Variants in RANBP2 observed in about 807,000 individuals in gnomAD.
RANBP2 encodes the protein RAN binding protein 2.
A neutral mutation model predicts 303.6 loss-of-function variants in RANBP2; 57 were observed. The observed-to-expected ratio is 0.19, with a 90% CI of 0.15 to 0.23. The LOEUF (loss-of-function observed/expected upper bound fraction) is 0.23, where lower values mean the gene tolerates loss of function less well. Among genes scored for constraint, RANBP2 ranks in the 10% least tolerant of loss-of-function variants. RANBP2 has a pLI of 1.00. For missense variants in RANBP2, 3,138 were observed against 3,780.8 expected, an observed-to-expected ratio of 0.83 and a Z score of 4.46; for synonymous variants, 1,167 against 1,301.5, an observed-to-expected ratio of 0.90 and a Z score of 2.23.
In RANBP2 at chr2:108,749,005, T is replaced by C. The variant is rs767259689; in HGVS notation, c.1149T>C (p.Ser383=). ...CTTTTGCCAACAAAAGCGGGCAGTC[T>C]GCATTATATGATGCTCTGTTTTCTA... ...VETFANKSGQ[S]ALYDALFSSQ... The change falls in exon 9 of 29, where the codon TCT becomes TCC. Residue 383 remains serine, a synonymous_variant. Transcript: ENST00000283195. The C allele has an allele frequency of 1.6e-5, 25 of 1,611,900 alleles. No individual in the cohort carries two copies. Among genetic ancestry groups the C allele is most frequent in the South Asian group, 3.3e-5 (3 of 90,996 alleles).
the RANBP2 span, chr2:109,614,423 C>T: frequency 1.8e-6 from 2 of 1,123,220 alleles, no homozygotes; most frequent in African/African-American, 1.6e-5. Flanking sequence ...GGGAGCCGGC[C>T]GCTGGGAGCC....
chr2:109,476,816 A>G, the RANBP2 span, among the ~76,000 whole-genome samples: 1 of 152,310 alleles, frequency 6.6e-6, no homozygotes, highest in Middle Eastern at 3.4e-3. Context: ...GATAAGCTAA[A>G]CAAGGGGTGG....
At chr2:109,493,324 A>G in the RANBP2 span, among the ~76,000 whole-genome samples, 7 of 147,236 alleles carry the variant, frequency 4.8e-5, no homozygotes, top group East Asian at 2.1e-4. Flanking sequence ...TACGTACACC[A>G]TACAAACACA....
chr2:109,128,878 C>A, the RANBP2 span: 1 of 309,248 alleles, frequency 3.2e-6, no homozygotes. Flanking sequence ...TCCTAGGGGA[C>A]CAGGCTAATC....
chr2:109,516,049 A>G, the RANBP2 span, among the ~76,000 whole-genome samples: 1 of 152,124 alleles, frequency 6.6e-6, no homozygotes, highest in African/African-American at 2.4e-5. Context: ...AATGCTTAGC[A>G]CTCAGCTCCA....
chr2:109,410,560 A>G, the RANBP2 span, among the ~76,000 whole-genome samples: 1 of 152,182 alleles, frequency 6.6e-6, no homozygotes, highest in Non-Finnish European at 1.5e-5. Flanking sequence ...GCTCATGTGA[A>G]ATGCTCACAG....
Position 108,784,112 on chromosome 2 carries a change from G to A in RANBP2, c.*211G>A. 1 of 543,964 alleles carries A rather than the reference G, an allele frequency of 1.8e-6. No individual in the cohort carries two copies. The highest frequency in any genetic ancestry group is 3.3e-6 in the Non-Finnish European group (1 of 306,424). 33.7% of individuals were successfully genotyped at this position (543,964 alleles called of 1,614,324 possible). On this transcript the variant is annotated 3_prime_UTR_variant, in exon 29 of 29. Transcript: ENST00000283195. ...AAGTTTAAACACTGGTGTATTTCAG[G>A]TGTACTTGTGTTTATGTACTCCTGA... is the stretch of plus-strand genomic sequence containing the variant.
the RANBP2 span, among the ~76,000 whole-genome samples, chr2:109,314,579 A>G: frequency 7.2e-5 from 11 of 152,186 alleles, no homozygotes; most frequent in Non-Finnish European, 1.2e-4. Context: ...CCACTTCATA[A>G]ATAGTGTCTC....
chr2:108,783,498 ATGTAG>A (rs1338567399), intron 28 of RANBP2, 93 bp from the exon 29 acceptor site: 4 of 824,660 alleles, frequency 4.9e-6, no homozygotes, highest in Non-Finnish European at 7.6e-6. Flanking sequence ...AGGATTTAAC[ATGTAG>A]TGATGAGTTC....
the RANBP2 span, among the ~76,000 whole-genome samples, chr2:109,498,343 C>T: frequency 6.6e-6 from 1 of 152,170 alleles, no homozygotes; most frequent in Non-Finnish European, 1.5e-5. Context: ...CCAAGTCAGC[C>T]TCAGGAGCCC....
chr2:108,843,140 T>G, the RANBP2 span, among the ~76,000 whole-genome samples: 3 of 152,062 alleles, frequency 2.0e-5, no homozygotes, highest in African/African-American at 7.3e-5. Context: ...GACTTCTTTA[T>G]CTGTTCTTTA....
At chr2:108,776,558 G>A (rs1677907782) in intron 24 of RANBP2, among the ~76,000 whole-genome samples, 3 of 152,096 alleles carry the variant, frequency 2.0e-5, no homozygotes, top group Admixed American at 6.5e-5. Context: ...GCATTTGAGA[G>A]TCTTAATGTG....
the RANBP2 span, among the ~76,000 whole-genome samples, chr2:109,205,628 C>T: frequency 2.6e-5 from 4 of 152,088 alleles, no homozygotes; most frequent in African/African-American, 7.2e-5. Flanking sequence ...GGGAGAAGGC[C>T]ACGGTGAGAA....
the RANBP2 span, among the ~76,000 whole-genome samples, chr2:108,968,053 A>G: frequency 6.6e-6 from 1 of 152,178 alleles, no homozygotes; most frequent in African/African-American, 2.4e-5. Context: ...CACTGTCCCA[A>G]GAATGCCTCA....
chr2:108,782,432 A>AT lies in RANBP2; in HGVS notation c.9034+37dup, dbSNP rs534537328. 357 of 1,613,848 alleles carry AT rather than the reference A, an allele frequency of 2.2e-4. 3 individuals are homozygous for AT. In the African/African-American group the frequency reaches 3.6e-3, roughly 16 times the overall value. ...TTTTTACATTCAAATGCTACTTTTC[A>AT]TTTTTTGGACTTTTCTAAAATCTAT... On this transcript the variant is annotated intron_variant, in intron 27 of 28. Transcript: ENST00000283195.
At chr2:109,438,382 G>A in the RANBP2 span, among the ~76,000 whole-genome samples, 1 of 152,188 alleles carries the variant, frequency 6.6e-6, no homozygotes, top group Non-Finnish European at 1.5e-5. Flanking sequence ...CCATCAGTGG[G>A]TGCAGGTGGA....
the RANBP2 span, among the ~76,000 whole-genome samples, chr2:109,696,457 CAG>C: frequency 1.3e-5 from 2 of 152,134 alleles, no homozygotes; most frequent in Non-Finnish European, 2.9e-5. Flanking sequence ...GCATAATTGT[CAG>C]AGATGAAATA....
chr2:109,350,786 C>T, the RANBP2 span, among the ~76,000 whole-genome samples: 5 of 152,202 alleles, frequency 3.3e-5, no homozygotes, highest in Admixed American at 2.6e-4. Flanking sequence ...AGTGCTGCAG[C>T]GTAGGTGCTG....
chr2:108,786,464 G>A (rs571993776), downstream of RANBP2, among the ~76,000 whole-genome samples: 29 of 152,276 alleles, frequency 1.9e-4, no homozygotes, highest in South Asian at 3.9e-3. Flanking sequence ...ACCGGTCTAT[G>A]TGGTGAGCGC....
Sources: allele counts gnomAD v4.1 joint callset (sites outside exome capture counted in the v4.1 genomes callset), GRCh38; gene constraint gnomAD v4.1.1; transcripts MANE v1.5; gene names NCBI Gene and HGNC (gene_info 2026-07-23, HGNC 2026-07-21).